The following ACRBP variants were observed in gnomAD, a reference collection of about 807,000 sequenced individuals.
ACRBP encodes the protein acrosin-binding protein.
Under a neutral mutation model 69.0 loss-of-function variants are expected in ACRBP, and 52 were observed. The ratio of observed to expected loss-of-function variants is 0.75; its 90% CI spans 0.60 to 0.95. The LOEUF (loss-of-function observed/expected upper bound fraction) is 0.95, where lower values mean the gene tolerates loss of function less well. Among genes scored for constraint, ACRBP ranks in the 40% least tolerant of loss-of-function variants. ACRBP has a pLI of 0.00. For synonymous variants in ACRBP, 267 were observed against 258.9 expected (o/e 1.03, Z -0.30); for missense variants, 604 against 673.0 (o/e 0.90, Z 1.13).
chr12:6,645,288 T>C lies in ACRBP; in HGVS notation c.407A>G (p.Lys136Arg). 1 of 1,613,884 alleles carries C rather than the reference T, an allele frequency of 6.2e-7. No individual in the cohort carries two copies. Among genetic ancestry groups the C allele is most frequent in the Non-Finnish European group, 8.5e-7 (1 of 1,179,944 alleles). ...PVSILSPNTL[K>R]EIEASAEVSP... ...GACTTCAGCTGAAGCTTCTATCTCC[T>C]TGAGAGTGTTAGGTGAGAGAATAGA... Residue 136 changes from lysine (K) to arginine (R), a missense_variant, in exon 4 of 10, where the codon AAG becomes AGG. By Grantham distance (26) the Lys-to-Arg change is conservative. Coordinates refer to ENST00000229243, the MANE Select transcript of ACRBP (RefSeq NM_032489.3).
rs1949044874 is a variant in ACRBP, at chr12:6,640,458, T to A, written c.1142A>T (p.Lys381Met). 6.2e-7 allele frequency: 1 copy of A among 1,614,004 alleles called. No individual in the cohort carries two copies. Among genetic ancestry groups the A allele is most frequent in the South Asian group, 1.1e-5 (1 of 91,076 alleles). Reference sequence around the variant, plus strand: ...GGCCTCTGAGTGGCACTGCTCCAGCTTCAAGGAGCAGAAGTCACAGAGGGC... The same window carrying A: ...GGCCTCTGAGTGGCACTGCTCCAGCATCAAGGAGCAGAAGTCACAGAGGGC... ...TCALCDFCSL[K>M]LEQCHSEASL... Residue 381 changes from lysine (K) to methionine (M), a missense_variant, in exon 7 of 10, where the codon AAG becomes ATG. Coordinates refer to ENST00000229243, the MANE Select transcript of ACRBP (RefSeq NM_032489.3). The surrounding 1 kb of genome is among the most constrained non-coding windows in gnomAD (Gnocchi z 5.3).
At chr12:6,638,680 C>A in intron 9 of ACRBP, 1 of 1,419,006 alleles carries the variant, frequency 7.0e-7, no homozygotes, top group Non-Finnish European at 9.2e-7. Context: ...CAGACCGAGA[C>A]CTCAACGTCC....
chr12:6,639,133 G>T (rs1949032869), intron 8 of ACRBP, 96 bp from the exon 9 acceptor site: 2 of 1,185,198 alleles, frequency 1.7e-6, no homozygotes, highest in Non-Finnish European at 1.2e-6. Flanking sequence ...CCAGGGGCAG[G>T]GTGTGGCCCA....
Position 6,640,259 on chromosome 12 carries a change from G to A in ACRBP, c.1258-32C>T, listed in dbSNP as rs1271487110. On this transcript the variant is annotated intron_variant, in intron 7 of 9. Coordinates refer to ENST00000229243, the MANE Select transcript of ACRBP (RefSeq NM_032489.3). The surrounding 1 kb of genome is among the most constrained non-coding windows in gnomAD (Gnocchi z 5.3). ...CACAGGAGATAGGGGAGAGGTGCGTGCCCCTCCCCACCTGCTGGCCACCAC... is the reference window on the plus strand; with the variant it reads ...CACAGGAGATAGGGGAGAGGTGCGTACCCCTCCCCACCTGCTGGCCACCAC... 1.9e-6 allele frequency: 3 copies of A among 1,613,180 alleles called. No homozygotes were observed. Among genetic ancestry groups the A allele is most frequent in the African/African-American group, 1.3e-5 (1 of 74,904 alleles).
intron 8 of ACRBP, among the ~76,000 whole-genome samples, chr12:6,639,277 G>A (rs1265494170): frequency 6.6e-6 from 1 of 152,232 alleles, no homozygotes; most frequent in Non-Finnish European, 1.5e-5. Flanking sequence ...AGCTTACTGG[G>A]AAAGTGGCTG....
chr12:6,643,480 G>A, intron 6 of ACRBP, 59 bp downstream of exon 6: 1 of 1,602,496 alleles, frequency 6.2e-7, no homozygotes, highest in South Asian at 1.1e-5. Flanking sequence ...GCCTAGCACA[G>A]TGCCTGGCCA....
At chr12:6,646,670 G>T in intron 2 of ACRBP, 93 bp from the exon 3 acceptor site, 1 of 1,501,136 alleles carries the variant, frequency 6.7e-7, no homozygotes, top group Non-Finnish European at 9.2e-7. Context: ...AGGGTGGAGA[G>T]TACGAGCTCA....
chr12:6,638,288 G>A lies in ACRBP; in HGVS notation c.1626C>T (p.Phe542=), dbSNP rs149312090. ...QEFSTLTLGQ[F]G is the part of the protein sequence containing the mutation. The stretch of plus-strand genomic sequence containing the variant: ...GGGCAGAATAGACGCCAGCTCATCC[G>A]AACTGGCCTAGAGTCAAGGTGCTGA... Residue 542 remains phenylalanine, a synonymous_variant, in exon 10 of 10, where the codon TTC becomes TTT. Coordinates refer to ENST00000229243, the MANE Select transcript of ACRBP (RefSeq NM_032489.3). 11 of 1,613,950 alleles carry A rather than the reference G, an allele frequency of 6.8e-6. No homozygotes were observed. The highest frequency in any genetic ancestry group is 3.3e-5 in the Admixed American group (2 of 59,996).
At position 6,643,582 on chromosome 12, in the gene ACRBP, G is replaced by A. The variant is rs201182033; in HGVS notation, c.1034C>T (p.Ala345Val). Reference protein sequence around the residue: ...NTCIITPTAKAWKYMEEEILG... With the variant: ...NTCIITPTAKVWKYMEEEILG... ...GATCTCCTCCTCCATGTACTTCCAGGCCTTGGCTGTGGGGGTTATGATGCA... is the reference window on the plus strand; with the variant it reads ...GATCTCCTCCTCCATGTACTTCCAGACCTTGGCTGTGGGGGTTATGATGCA... Residue 345 changes from alanine (A) to valine (V), a missense_variant, in exon 6 of 10, where the codon GCC becomes GTC. Coordinates refer to ENST00000229243, the MANE Select transcript of ACRBP (RefSeq NM_032489.3). 6.8e-6 allele frequency: 11 copies of A among 1,614,072 alleles called. No homozygotes were observed. In the African/African-American group the frequency reaches 9.3e-5, roughly 14 times the overall value.
At position 6,638,427 on chromosome 12, in the gene ACRBP, C is replaced by A. The variant is rs765024556; in HGVS notation, c.1510-23G>T. ...CACCTACACAGAGATTCAGTGCAGACGGTCTGTATCACAGAGCCAGGTGCC... is the reference window on the plus strand; with the variant it reads ...CACCTACACAGAGATTCAGTGCAGAAGGTCTGTATCACAGAGCCAGGTGCC... On this transcript the variant is annotated intron_variant, in intron 9 of 9. Transcript: ENST00000229243. The A allele has an allele frequency of 1.9e-6, 3 of 1,613,442 alleles. No individual in the cohort carries two copies. The African/African-American group carries it at 4.0e-5, about 22-fold the overall frequency.
At position 6,645,306 on chromosome 12, in the gene ACRBP, A is replaced by C; in HGVS notation, c.389T>G (p.Leu130Arg). 6.2e-7 allele frequency: 1 copy of C among 1,613,606 alleles called. No individual in the cohort carries two copies. The highest frequency in any genetic ancestry group is 8.5e-7 in the Non-Finnish European group (1 of 1,179,806). The change falls in exon 4 of 10, where the codon CTC becomes CGC. Residue 130 changes from leucine to arginine, a missense_variant. This residue lies in a region of ACRBP where 532 missense variants were observed against 562.9 expected (regional missense o/e 0.95). Coordinates refer to ENST00000229243, the MANE Select transcript of ACRBP (RefSeq NM_032489.3). ...TATCTCCTTGAGAGTGTTAGGTGAG[A>C]GAATAGAGACTGGCTGGGAACACAG... is the stretch of plus-strand genomic sequence containing the variant. ...RVLCSQPVSI[L>R]SPNTLKEIEA...
intron 4 of ACRBP, 63 bp downstream of exon 4, chr12:6,645,157 C>T (rs538633343): frequency 1.4e-5 from 18 of 1,309,536 alleles, no homozygotes; most frequent in African/African-American, 7.6e-5. Flanking sequence ...GGATGCCTTA[C>T]GTTGTGGGCT....
At chr12:6,643,786 T>G in intron 5 of ACRBP, 115 bp from the exon 6 acceptor site, 4 of 1,425,292 alleles carry the variant, frequency 2.8e-6, no homozygotes, top group Non-Finnish European at 3.8e-6. Flanking sequence ...TTCAGCATGC[T>G]TAGCATGGGG....
chr12:6,644,699 A>C, intron 4 of ACRBP, 94 bp from the exon 5 acceptor site: 1 of 1,495,958 alleles, frequency 6.7e-7, no homozygotes, highest in Non-Finnish European at 8.9e-7. Context: ...TAAACAAAGC[A>C]GACCAAGTCA....
At chr12:6,642,256 A>T (rs2136249926) in intron 6 of ACRBP, among the ~76,000 whole-genome samples, 1 of 151,996 alleles carries the variant, frequency 6.6e-6, no homozygotes, top group East Asian at 1.9e-4. Context: ...CCCAATCAGT[A>T]TTTTTTTTCA....
chr12:6,645,556 T>G (rs1003289096), intron 3 of ACRBP, among the ~76,000 whole-genome samples: 5 of 152,204 alleles, frequency 3.3e-5, no homozygotes, highest in Non-Finnish European at 5.9e-5. Context: ...ACTTTTGCAT[T>G]TGACTCAAAA....
chr12:6,645,361 G>A (rs768602472), intron 3 of ACRBP, 24 bp from the exon 4 acceptor site: 12 of 1,575,722 alleles, frequency 7.6e-6, no homozygotes, highest in Non-Finnish European at 1.0e-5. Context: ...AGGAAAATGG[G>A]AAAGCCTTTC....
intron 6 of ACRBP, among the ~76,000 whole-genome samples, chr12:6,641,693 G>GC (rs1191679310): frequency 6.6e-6 from 1 of 151,984 alleles, no homozygotes; most frequent in Non-Finnish European, 1.5e-5. Flanking sequence ...TGGGTTCTTG[G>GC]CCCCTTAAGA....
chr12:6,640,473 TCACAGAGGG>T lies in ACRBP; in HGVS notation c.1118_1126del (p.Ala373_Cys375del). The T allele has an allele frequency of 1.2e-6, 2 of 1,614,106 alleles. No homozygotes were observed. Among genetic ancestry groups the T allele is most frequent in the Non-Finnish European group, 1.7e-6 (2 of 1,180,012 alleles). On this transcript the variant is annotated inframe_deletion, in exon 7 of 10. Coordinates refer to ENST00000229243, the MANE Select transcript of ACRBP (RefSeq NM_032489.3). The surrounding 1 kb of genome is among the most constrained non-coding windows in gnomAD (Gnocchi z 5.3). ...CTGCTCCAGCTTCAAGGAGCAGAAG[TCACAGAGGG>T]CACAGGTAGACATGTGTCGCCGCCC...
Sources: gnomAD v4.1 joint callset for allele counts (sites outside exome capture counted in the v4.1 genomes callset) on GRCh38, gnomAD v4.1.1 for gene constraint, gnomAD v4.1.1 regional missense constraint, Gnocchi (gnomAD v3.1) non-coding constraint, MANE v1.5 for transcripts, NCBI Gene and HGNC (gene_info 2026-07-23, HGNC 2026-07-21) for gene names.